Variants in KCNT2 observed in about 807,000 individuals in gnomAD.
KCNT2 encodes the protein potassium channel subfamily T member 2.
KCNT2 carries 67 observed loss-of-function variants against 153.8 expected under a neutral mutation model. The observed-to-expected ratio is 0.44, with a 90% CI of 0.36 to 0.53. The LOEUF (loss-of-function observed/expected upper bound fraction) is 0.53, where lower values mean the gene tolerates loss of function less well. KCNT2 is among the 20% of genes least tolerant of loss of function. KCNT2 has a pLI of 0.00. For synonymous variants in KCNT2, 500 were observed against 458.8 expected (o/e 1.09, Z -1.15); for missense variants, 975 against 1,354.8 (o/e 0.72, Z 4.40).
chr1:196,411,840 G>T (rs538716426), intron 12 of KCNT2, among the ~76,000 whole-genome samples: 1 of 151,792 alleles, frequency 6.6e-6, no homozygotes, highest in East Asian at 1.9e-4. Flanking sequence ...CTGAAATTGT[G>T]GATATTACCA....
intron 1 of KCNT2, among the ~76,000 whole-genome samples, chr1:196,540,755 T>A (rs1381810463): frequency 6.6e-6 from 1 of 152,170 alleles, no homozygotes; most frequent in East Asian, 1.9e-4. Context: ...TTATTTCAGC[T>A]ATGAAATAGA....
chr1:196,346,000 T>C (rs2148185146), intron 14 of KCNT2, among the ~76,000 whole-genome samples: 1 of 152,292 alleles, frequency 6.6e-6, no homozygotes, highest in South Asian at 2.1e-4. Flanking sequence ...AGACATAGTG[T>C]ATGTGAGGTT....
At chr1:196,511,837 C>A (rs1334760554) in intron 1 of KCNT2, among the ~76,000 whole-genome samples, 1 of 152,160 alleles carries the variant, frequency 6.6e-6, no homozygotes, top group African/African-American at 2.4e-5. Flanking sequence ...ATAATCACCT[C>A]TTTTAAGACC....
At chr1:196,537,053 G>C (rs1655681435) in intron 1 of KCNT2, among the ~76,000 whole-genome samples, 1 of 152,154 alleles carries the variant, frequency 6.6e-6, no homozygotes, top group African/African-American at 2.4e-5. Context: ...ACTACCTGTG[G>C]ATACATGCAC....
chr1:196,404,365 T>TA (rs1264087782), intron 12 of KCNT2, among the ~76,000 whole-genome samples: 1 of 151,704 alleles, frequency 6.6e-6, no homozygotes, highest in African/African-American at 2.4e-5. Flanking sequence ...CTTATTGTTG[T>TA]ACGTGGCTAC....
intron 12 of KCNT2, among the ~76,000 whole-genome samples, chr1:196,411,087 TTCCTTCCTTCCTTCCTTCC>T (rs1472999569): frequency 1.2e-4 from 8 of 65,406 alleles, no homozygotes; most frequent in Non-Finnish European, 2.5e-4. Flanking sequence ...CCTTCCTTCC[TTCCTTCCTTCCTTCCTTCC>T]TTCCTTCCTT....
chr1:196,300,666 A>C (rs1453217066), intron 22 of KCNT2, among the ~76,000 whole-genome samples: 1 of 152,184 alleles, frequency 6.6e-6, no homozygotes, highest in Non-Finnish European at 1.5e-5. Context: ...ACAGCTGTCC[A>C]TGCCTAGGCA....
At chr1:196,448,916 C>T (rs990232067) in intron 8 of KCNT2, among the ~76,000 whole-genome samples, 23 of 151,514 alleles carry the variant, frequency 1.5e-4, no homozygotes, top group Admixed American at 9.2e-4. Context: ...AAAAATATTT[C>T]CCCTAAATTG....
rs145904929 is a variant in KCNT2 at position 196,273,487 on chromosome 1, G to C, written c.2910+7373C>G. 9.1e-6 allele frequency: 14 copies of C among 1,530,388 alleles called. 1 individual carries two copies. The East Asian group carries it at 2.2e-4, about 24-fold the overall frequency. The allele number at this position is 1,530,388 out of a possible 1,614,324, so 94.8% of individuals were successfully genotyped here. On this transcript the variant is annotated intron_variant, in intron 25 of 27. Transcript: ENST00000294725. ...ACTTACTTGTGATGCTATTTTTCGA[G>C]ACTGACACAACGGGAGGGAAAAAGA...
chr1:196,319,390 G>A lies in KCNT2; in HGVS notation c.2348+94C>T, dbSNP rs138191148. 5.0e-4 allele frequency: 331 copies of A among 667,560 alleles called. 2 individuals carry two copies. The highest frequency in any genetic ancestry group is 4.4e-3 in the African/African-American group (242 of 54,776). 41.4% of individuals were successfully genotyped at this position (667,560 alleles called of 1,614,324 possible). A position where few individuals can be genotyped will look rare whatever the true frequency, so the allele number is the denominator to read the frequency against. ...TATATCATATTTGCAATACTGACACGGCAAATTACACTCATCATGCAGTAA... is the reference window on the plus strand; with the variant it reads ...TATATCATATTTGCAATACTGACACAGCAAATTACACTCATCATGCAGTAA... On this transcript the variant is annotated intron_variant, in intron 20 of 27. Coordinates refer to ENST00000294725, the MANE Select transcript of KCNT2 (RefSeq NM_198503.5).
At chr1:196,576,864 T>C (rs894602596) in intron 1 of KCNT2, among the ~76,000 whole-genome samples, 10 of 152,154 alleles carry the variant, frequency 6.6e-5, no homozygotes, top group Non-Finnish European at 1.5e-4. Context: ...CTCTTCTATC[T>C]TGCCTATACT....
At chr1:196,576,503 T>A (rs1406951123) in intron 1 of KCNT2, among the ~76,000 whole-genome samples, 1 of 152,120 alleles carries the variant, frequency 6.6e-6, no homozygotes, top group East Asian at 1.9e-4. Context: ...ACATAAATTA[T>A]ATAAAAATTT....
intron 1 of KCNT2, among the ~76,000 whole-genome samples, chr1:196,599,171 C>G (rs531663406): frequency 2.5e-4 from 38 of 152,346 alleles, no homozygotes; most frequent in Admixed American, 6.5e-4. Flanking sequence ...TTTTGACAGA[C>G]TTGAGACAGC....
intron 14 of KCNT2, among the ~76,000 whole-genome samples, chr1:196,360,968 T>C (rs1667568525): frequency 6.6e-6 from 1 of 151,800 alleles, no homozygotes; most frequent in Admixed American, 6.6e-5. Flanking sequence ...CCTGATGAAG[T>C]GAAATTCATA....
chr1:196,483,665 C>A (rs1478267178), intron 3 of KCNT2, among the ~76,000 whole-genome samples: 2 of 152,100 alleles, frequency 1.3e-5, no homozygotes, highest in African/African-American at 4.8e-5. Flanking sequence ...CTGAGGATTC[C>A]ACTTGATCAA....
intron 22 of KCNT2, among the ~76,000 whole-genome samples, chr1:196,289,595 G>T (rs1364263270): frequency 6.6e-6 from 1 of 152,034 alleles, no homozygotes. Context: ...AACGTTCGAG[G>T]TTCACTCAAT....
chr1:196,433,656 T>C (rs1276674825), intron 8 of KCNT2, among the ~76,000 whole-genome samples: 1 of 152,108 alleles, frequency 6.6e-6, no homozygotes, highest in Non-Finnish European at 1.5e-5. Context: ...TCACTATGGC[T>C]TCTGGGCACA....
chr1:196,508,257 T>C (rs1441492223), intron 1 of KCNT2, among the ~76,000 whole-genome samples: 1 of 144,974 alleles, frequency 6.9e-6, no homozygotes, highest in East Asian at 2.0e-4. Flanking sequence ...TATCTCACAG[T>C]ATATAGATTA....
At chr1:196,596,626 GC>G (rs1485998169) in intron 1 of KCNT2, among the ~76,000 whole-genome samples, 2 of 152,044 alleles carry the variant, frequency 1.3e-5, no homozygotes, top group African/African-American at 4.8e-5. Flanking sequence ...ATCCACAGAA[GC>G]AAAACCCATG....
Sources: allele counts gnomAD v4.1 joint callset (sites outside exome capture counted in the v4.1 genomes callset), GRCh38; gene constraint gnomAD v4.1.1; transcripts MANE v1.5; gene names NCBI Gene and HGNC (gene_info 2026-07-23, HGNC 2026-07-21).